The following SEZ6L variants were observed in gnomAD, a reference collection of about 807,000 sequenced individuals.
SEZ6L encodes seizure 6-like protein.
Under a neutral mutation model 106.2 loss-of-function variants are expected in SEZ6L, and 37 were observed. That is an observed-to-expected ratio of 0.35 (90% CI 0.27 to 0.46). SEZ6L has a LOEUF of 0.46. Among genes scored for constraint, SEZ6L ranks in the 20% least tolerant of loss-of-function variants. The pLI is 1.00. For synonymous variants in SEZ6L, 541 were observed against 570.4 expected (o/e 0.95, Z 0.73); for missense variants, 1,172 against 1,332.8 (o/e 0.88, Z 1.88).
chr22:26,330,376 G>A (rs1251441237), intron 9 of SEZ6L, among the ~76,000 whole-genome samples: 4 of 152,220 alleles, frequency 2.6e-5, no homozygotes, highest in African/African-American at 9.6e-5. Context: ...AAGATGAAAT[G>A]GTGCATGTAA....
rs1052030397 is a variant in SEZ6L, at chr22:26,292,848, A to C, written c.537A>C (p.Ala179=). 1.9e-6 allele frequency: 3 copies of C among 1,614,146 alleles called. No homozygotes were observed. The highest frequency in any genetic ancestry group is 2.5e-6 in the Non-Finnish European group (3 of 1,179,986). ...ACCCCATCGTGGCCTCCGAGGAGGCATCAGAAGTGCCCCTTTGGCTGGACC... is the reference window on the plus strand; with the variant it reads ...ACCCCATCGTGGCCTCCGAGGAGGCCTCAGAAGTGCCCCTTTGGCTGGACC... ...DPDPIVASEE[A]SEVPLWLDRK... is the part of the protein sequence containing the mutation. Residue 179 remains alanine, a synonymous_variant, in exon 2 of 17, where the codon GCA becomes GCC. Coordinates refer to ENST00000248933, the MANE Select transcript of SEZ6L (RefSeq NM_021115.5).
Position 26,294,397 on chromosome 22 carries a change from T to C in SEZ6L, c.941T>C (p.Val314Ala), listed in dbSNP as rs2081230713. 1 of 1,614,018 alleles carries C rather than the reference T, an allele frequency of 6.2e-7. No individual in the cohort carries two copies. The highest frequency in any genetic ancestry group is 1.1e-5 in the South Asian group (1 of 91,070). The change falls in exon 3 of 17, where the codon GTC becomes GCC. Residue 314 changes from valine to alanine, a missense_variant. Coordinates refer to ENST00000248933, the MANE Select transcript of SEZ6L (RefSeq NM_021115.5). Reference sequence around the variant, plus strand: ...CTGGAGTGCACATACAACGTGACAGTCTACACTGGCTATGGGGTGGAGCTC... The same window carrying C: ...CTGGAGTGCACATACAACGTGACAGCCTACACTGGCTATGGGGTGGAGCTC... Reference protein sequence around the residue: ...NFLECTYNVTVYTGYGVELQV... With the variant: ...NFLECTYNVTAYTGYGVELQV...
intron 1 of SEZ6L, among the ~76,000 whole-genome samples, chr22:26,239,630 C>T (rs2079053259): frequency 6.6e-6 from 1 of 152,164 alleles, no homozygotes; most frequent in Non-Finnish European, 1.5e-5. Context: ...CCCCTGACTC[C>T]AACCCCAAAT....
chr22:26,182,476 G>C (rs748864893), intron 1 of SEZ6L, among the ~76,000 whole-genome samples: 1 of 152,106 alleles, frequency 6.6e-6, no homozygotes, highest in Non-Finnish European at 1.5e-5. Flanking sequence ...TTTTCATTGA[G>C]TTGATGTGAG....
chr22:26,350,567 A>C (rs1755128613), intron 11 of SEZ6L, among the ~76,000 whole-genome samples: 1 of 151,924 alleles, frequency 6.6e-6, no homozygotes, highest in Non-Finnish European at 1.5e-5. Context: ...AATTAAATTC[A>C]AGGCTATTTT....
At chr22:26,200,072 G>A (rs950949982) in intron 1 of SEZ6L, among the ~76,000 whole-genome samples, 1 of 152,164 alleles carries the variant, frequency 6.6e-6, no homozygotes, top group East Asian at 1.9e-4. Context: ...GAAATGGTGG[G>A]GATGGGACTG....
intron 12 of SEZ6L, among the ~76,000 whole-genome samples, chr22:26,354,317 G>T (rs1383860709): frequency 6.6e-6 from 1 of 152,206 alleles, no homozygotes. Context: ...CACAGATACA[G>T]AGAAGGCCAC....
chr22:26,273,232 T>TC (rs2080426755), intron 1 of SEZ6L, among the ~76,000 whole-genome samples: 1 of 152,194 alleles, frequency 6.6e-6, no homozygotes, highest in Non-Finnish European at 1.5e-5. Flanking sequence ...AGGGCATCTT[T>TC]CCCCCACCCC....
rs571096179 is a variant in SEZ6L at position 26,238,202 on chromosome 22, T to C, written c.95-54204T>C. ...GGCTAAGGAATAGCTGTGGGCCCCA[T>C]GCAGTTGATGAAAAGGTTGTGTCCT... On this transcript the variant is annotated intron_variant, in intron 1 of 16. Transcript: ENST00000248933. Among the ~76,000 whole-genome samples, 7 of 152,268 alleles carry C rather than the reference T, an allele frequency of 4.6e-5. No individual in the cohort carries two copies. The East Asian group carries it at 1.2e-3, about 25-fold the overall frequency.
chr22:26,365,589 C>G (rs752886125), intron 13 of SEZ6L, 23 bp downstream of exon 13: 3 of 1,599,588 alleles, frequency 1.9e-6, no homozygotes, highest in African/African-American at 1.3e-5. Flanking sequence ...ACTCACCACA[C>G]AGGGTCCACG....
At chr22:26,248,343 A>G (rs183076250) in intron 1 of SEZ6L, among the ~76,000 whole-genome samples, 64 of 152,288 alleles carry the variant, frequency 4.2e-4, no homozygotes, top group Admixed American at 1.4e-3. Context: ...GTAAGAGGGA[A>G]CTACTATTGG....
chr22:26,368,901 C>T (rs2083908047), intron 13 of SEZ6L, among the ~76,000 whole-genome samples: 1 of 152,084 alleles, frequency 6.6e-6, no homozygotes, highest in African/African-American at 2.4e-5. Context: ...CAAGACAAAG[C>T]TAGGACTTGA....
intron 12 of SEZ6L, 91 bp downstream of exon 12, chr22:26,351,334 CT>C: frequency 1.6e-6 from 2 of 1,244,360 alleles, no homozygotes; most frequent in Non-Finnish European, 2.3e-6. Context: ...GCTAGGAGGC[CT>C]TCTGCTTTTC....
At chr22:26,317,698 A>G (rs2082043994) in intron 9 of SEZ6L, among the ~76,000 whole-genome samples, 1 of 152,134 alleles carries the variant, frequency 6.6e-6, no homozygotes, top group South Asian at 2.1e-4. Flanking sequence ...AGCCACTGGC[A>G]TTAGCATCAG....
At chr22:26,263,071 A>G (rs1359775627) in intron 1 of SEZ6L, among the ~76,000 whole-genome samples, 3 of 152,124 alleles carry the variant, frequency 2.0e-5, no homozygotes, top group Admixed American at 1.3e-4. Flanking sequence ...CTAAATTCCT[A>G]TGGAAAGGAC....
At chr22:26,296,645 C>T (rs2081309234) in intron 3 of SEZ6L, among the ~76,000 whole-genome samples, 1 of 152,364 alleles carries the variant, frequency 6.6e-6, no homozygotes, top group South Asian at 2.1e-4. Context: ...CCTCACATTG[C>T]AAGTCCCTTG....
At chr22:26,244,982 GA>G (rs2035511483) in intron 1 of SEZ6L, among the ~76,000 whole-genome samples, 1 of 152,198 alleles carries the variant, frequency 6.6e-6, no homozygotes, top group Non-Finnish European at 1.5e-5. Context: ...GACATGATCT[GA>G]ACTGGACAAG....
intron 1 of SEZ6L, among the ~76,000 whole-genome samples, chr22:26,249,503 T>A (rs1449900694): frequency 6.6e-6 from 1 of 152,204 alleles, no homozygotes; most frequent in Non-Finnish European, 1.5e-5. Context: ...GATTTCTTTT[T>A]TAAATGGCTG....
intron 1 of SEZ6L, among the ~76,000 whole-genome samples, chr22:26,183,274 T>C (rs536348739): frequency 3.9e-5 from 6 of 152,242 alleles, no homozygotes; most frequent in African/African-American, 1.4e-4. Flanking sequence ...AATCACTTGA[T>C]AAGTACTAGG....
Sources: allele counts gnomAD v4.1 joint callset (sites outside exome capture counted in the v4.1 genomes callset), GRCh38; gene constraint gnomAD v4.1.1; transcripts MANE v1.5; gene names NCBI Gene and HGNC (gene_info 2026-07-23, HGNC 2026-07-21).